The following TMEM114 variants were observed in gnomAD, a reference collection of about 807,000 sequenced individuals.
TMEM114 encodes transmembrane protein 114.
A neutral mutation model predicts 6.2 loss-of-function variants in TMEM114; 6 were observed. The ratio of observed to expected loss-of-function variants is 0.97; its 90% CI spans 0.53 to 1.91. TMEM114 has a LOEUF of 1.91. TMEM114 is among the 40% of genes most tolerant of loss of function. The pLI is 0.01. For missense variants in TMEM114, 218 were observed against 158.3 expected (o/e 1.38, Z -2.02); for synonymous variants, 104 against 73.0 (o/e 1.42, Z -2.16).
chr16:8,542,623 G>A (rs1224632454), intron 2 of TMEM114, among the ~76,000 whole-genome samples: 1 of 152,144 alleles, frequency 6.6e-6, no homozygotes, highest in Non-Finnish European at 1.5e-5. Context: ...GTGGGTTTGG[G>A]GTGGGGGAGG....
At chr16:8,552,369 G>A (rs1900873077) in intron 2 of TMEM114, among the ~76,000 whole-genome samples, 1 of 151,900 alleles carries the variant, frequency 6.6e-6, no homozygotes. Context: ...GAACCACAGA[G>A]TGAGACTCTA....
intron 2 of TMEM114, among the ~76,000 whole-genome samples, chr16:8,543,243 T>C (rs1457429745): frequency 2.6e-5 from 4 of 152,170 alleles, no homozygotes; most frequent in African/African-American, 9.6e-5. Flanking sequence ...CACTTGTTCA[T>C]TTTTAAACAC....
chr16:8,541,059 C>G (rs564415370), intron 2 of TMEM114, among the ~76,000 whole-genome samples: 7 of 151,932 alleles, frequency 4.6e-5, no homozygotes, highest in African/African-American at 7.3e-5. Flanking sequence ...GAAGTCTGGA[C>G]CAGCCCCATG....
intron 2 of TMEM114, among the ~76,000 whole-genome samples, chr16:8,553,229 G>T (rs1408218627): frequency 6.6e-6 from 1 of 152,220 alleles, no homozygotes; most frequent in Non-Finnish European, 1.5e-5. Flanking sequence ...TCCAGACCAA[G>T]AATCAAGACC....
intron 2 of TMEM114, among the ~76,000 whole-genome samples, chr16:8,578,658 G>A (rs1303917461): frequency 1.3e-5 from 2 of 152,162 alleles, no homozygotes; most frequent in Non-Finnish European, 2.9e-5. Flanking sequence ...GATGATACCT[G>A]TGGTTATTAC....
chr16:8,581,893 C>T (rs1902163907), intron 2 of TMEM114, among the ~76,000 whole-genome samples: 1 of 152,228 alleles, frequency 6.6e-6, no homozygotes, highest in Non-Finnish European at 1.5e-5. Flanking sequence ...CCTGCTCCTT[C>T]CCTGACTGCC....
chr16:8,530,930 C>T, the TMEM114 span, among the ~76,000 whole-genome samples: 232 of 151,978 alleles, frequency 1.5e-3, no homozygotes, highest in Non-Finnish European at 2.8e-3. Flanking sequence ...TAGGCTGAGG[C>T]AAGAGAATGG....
downstream of TMEM114, among the ~76,000 whole-genome samples, chr16:8,536,521 T>C (rs1900365169): frequency 6.6e-6 from 1 of 152,192 alleles, no homozygotes. Flanking sequence ...ACTAATTTAT[T>C]ACTAAAATCA....
chr16:8,555,784 C>A (rs1260328967), intron 2 of TMEM114, among the ~76,000 whole-genome samples: 1 of 152,186 alleles, frequency 6.6e-6, no homozygotes, highest in Non-Finnish European at 1.5e-5. Context: ...CAGTTGGCAT[C>A]TACTGGGTGG....
intron 2 of TMEM114, among the ~76,000 whole-genome samples, chr16:8,560,140 A>G (rs949960559): frequency 6.6e-6 from 1 of 151,654 alleles, no homozygotes; most frequent in Non-Finnish European, 1.5e-5. Context: ...CTACAGGTGC[A>G]CACCACCATA....
intron 2 of TMEM114, among the ~76,000 whole-genome samples, chr16:8,552,913 C>G (rs898639225): frequency 2.0e-5 from 3 of 152,210 alleles, no homozygotes; most frequent in African/African-American, 7.2e-5. Flanking sequence ...TCTTTGATCA[C>G]TCACTTTAGG....
chr16:8,534,513 C>T (rs1005367101), downstream of TMEM114, among the ~76,000 whole-genome samples: 16 of 152,152 alleles, frequency 1.1e-4, no homozygotes, highest in African/African-American at 3.6e-4. Context: ...CACCTACATC[C>T]GTAGACATCC....
At chr16:8,526,921 G>C in the TMEM114 span, among the ~76,000 whole-genome samples, 1 of 152,272 alleles carries the variant, frequency 6.6e-6, no homozygotes, top group South Asian at 2.1e-4. Flanking sequence ...AAAACATGCT[G>C]AGTAGGTGGG....
chr16:8,534,586 G>A (rs1379525942), downstream of TMEM114, among the ~76,000 whole-genome samples: 1 of 152,134 alleles, frequency 6.6e-6, no homozygotes, highest in South Asian at 2.1e-4. Context: ...TAATGGGGTG[G>A]TACATCAGAT....
At chr16:8,581,691 TG>T (rs1459853699) in intron 2 of TMEM114, among the ~76,000 whole-genome samples, 1 of 152,266 alleles carries the variant, frequency 6.6e-6, no homozygotes, top group Non-Finnish European at 1.5e-5. Flanking sequence ...TGACCTCAAG[TG>T]ATCCGCCCAC....
downstream of TMEM114, among the ~76,000 whole-genome samples, chr16:8,534,843 T>G (rs1472672221): frequency 5.3e-5 from 8 of 152,224 alleles, no homozygotes; most frequent in Non-Finnish European, 4.4e-5. Context: ...TCTGCTAAGA[T>G]TTTCATGAAG....
At chr16:8,540,046 G>A (rs966605114) in intron 2 of TMEM114, among the ~76,000 whole-genome samples, 3 of 151,966 alleles carry the variant, frequency 2.0e-5, no homozygotes, top group Non-Finnish European at 2.9e-5. Flanking sequence ...TTGAACTCTC[G>A]ACCTCAGCCT....
chr16:8,578,645 A>G (rs1487677672), intron 2 of TMEM114, among the ~76,000 whole-genome samples: 1 of 152,208 alleles, frequency 6.6e-6, no homozygotes, highest in Non-Finnish European at 1.5e-5. Flanking sequence ...TAGGAACTCA[A>G]TAGATGATAC....
intron 2 of TMEM114, among the ~76,000 whole-genome samples, chr16:8,538,028 G>A (rs1044100192): frequency 4.1e-5 from 6 of 146,864 alleles, no homozygotes; most frequent in Admixed American, 1.4e-4. Flanking sequence ...ACTGGGCGCC[G>A]TGACTTACAC....
Sources: allele counts gnomAD v4.1 joint callset (sites outside exome capture counted in the v4.1 genomes callset), GRCh38; gene constraint gnomAD v4.1.1; transcripts MANE v1.5; gene names NCBI Gene and HGNC (gene_info 2026-07-23, HGNC 2026-07-21).